VPS13A: variants seen among roughly 807,000 people sequenced by gnomAD.
VPS13A encodes the protein vacuolar protein sorting 13 homolog A, also known as intermembrane lipid transfer protein VPS13A.
A neutral mutation model predicts 390.9 loss-of-function variants in VPS13A; 264 were observed. The observed-to-expected ratio is 0.68, with a 90% confidence interval of 0.61 to 0.75. The LOEUF (loss-of-function observed/expected upper bound fraction) is 0.75. Ranked by LOEUF, VPS13A falls within the 30% of genes least tolerant of loss-of-function variation. The pLI is 0.00. For synonymous variants in VPS13A, 1,231 were observed against 1,227.1 expected, an observed-to-expected ratio of 1.00 and a Z score of -0.07; for missense variants, 3,409 against 3,733.9, an observed-to-expected ratio of 0.91 and a Z score of 2.27.
intron 50 of VPS13A, among the ~76,000 whole-genome samples, chr9:77,341,716 T>TGC (rs1830830738): frequency 6.9e-6 from 1 of 145,344 alleles, no homozygotes; most frequent in Non-Finnish European, 1.5e-5. Flanking sequence ...TTTTTTTTTT[T>TGC]TTTTGCTTTT....
At chr9:77,310,537 A>G (rs1449588946) in intron 35 of VPS13A, among the ~76,000 whole-genome samples, 2 of 152,210 alleles carry the variant, frequency 1.3e-5, no homozygotes, top group Non-Finnish European at 2.9e-5. Context: ...TTAGAATGTG[A>G]GAAGAGAACC....
intron 54 of VPS13A, among the ~76,000 whole-genome samples, chr9:77,354,030 A>G (rs1221288153): frequency 6.6e-6 from 1 of 152,102 alleles, no homozygotes; most frequent in African/African-American, 2.4e-5. Flanking sequence ...TGACCTTGGC[A>G]CTTTAAGATC....
intron 45 of VPS13A, among the ~76,000 whole-genome samples, chr9:77,325,004 C>T (rs1458311473): frequency 6.6e-6 from 1 of 152,148 alleles, no homozygotes; most frequent in Admixed American, 6.6e-5. Context: ...ATAGAAAGCT[C>T]CACCCATGTG....
At chr9:77,308,960 A>G (rs947107083) in intron 35 of VPS13A, among the ~76,000 whole-genome samples, 10 of 152,216 alleles carry the variant, frequency 6.6e-5, no homozygotes, top group African/African-American at 2.4e-4. Flanking sequence ...ATTGTTAAAT[A>G]TGAATGGTCA....
chr9:77,304,528 G>A (rs72744286), intron 34 of VPS13A, among the ~76,000 whole-genome samples: 8,700 of 152,156 alleles, frequency 0.057, 364 homozygotes, highest in South Asian at 0.12. Context: ...GAAAGATCTA[G>A]GTTAGAAATA....
At position 77,220,064 on chromosome 9, in the gene VPS13A, G is replaced by A. The variant is rs762815118; in HGVS notation, c.865G>A (p.Glu289Lys). Residue 289 changes from glutamate (E) to lysine (K), a missense_variant, in exon 11 of 72, where the codon GAA (glutamate) becomes AAA (lysine). Physicochemically the swap from Glu to Lys is moderately conservative, Grantham distance 56. Coordinates refer to ENST00000360280, the MANE Select transcript of VPS13A (RefSeq NM_033305.3). ...LEIELHNIAI[E>K]FNKPQYFSIM... ...AATTGAGTTACATAACATAGCAATTGAATTTAATAAACCACAGGTGATTTT... is the reference window on the plus strand; with the variant it reads ...AATTGAGTTACATAACATAGCAATTAAATTTAATAAACCACAGGTGATTTT... The A allele has an allele frequency of 5.5e-5, 89 of 1,609,960 alleles. No homozygotes were observed. The highest frequency in any genetic ancestry group is 7.1e-5 in the Non-Finnish European group (84 of 1,177,092).
At chr9:77,364,214 T>C (rs1325043625) in intron 59 of VPS13A, among the ~76,000 whole-genome samples, 1 of 151,910 alleles carries the variant, frequency 6.6e-6, no homozygotes, top group African/African-American at 2.4e-5. Flanking sequence ...TCACTTGAGG[T>C]CAGGAGTTCG....
intron 1 of VPS13A, among the ~76,000 whole-genome samples, chr9:77,196,292 A>G (rs1004008367): frequency 6.6e-6 from 1 of 152,204 alleles, no homozygotes; most frequent in African/African-American, 2.4e-5. Flanking sequence ...GGTATTTAGA[A>G]TATCCATCAC....
At chr9:77,329,010 C>CA (rs139476573) in intron 45 of VPS13A, among the ~76,000 whole-genome samples, 3,204 of 152,214 alleles carry the variant, frequency 0.021, 115 homozygotes, top group African/African-American at 0.073. Flanking sequence ...GAAGAACTAC[C>CA]ACACACTTAC....
At chr9:77,370,637 T>C in intron 65 of VPS13A, 59 bp downstream of exon 65, 4 of 1,606,442 alleles carry the variant, frequency 2.5e-6, no homozygotes, top group African/African-American at 1.3e-5. Flanking sequence ...CAAACCTACA[T>C]TTGCGAATAA....
chr9:77,371,073 G>A lies in VPS13A; in HGVS notation c.9001G>A (p.Gly3001Ser), dbSNP rs893091697. The A allele has an allele frequency of 1.9e-6, 3 of 1,614,026 alleles. No individual in the cohort carries two copies. The highest frequency in any genetic ancestry group is 3.3e-5 in the Admixed American group (2 of 59,986). ...TGGTTTCTTTAAAGGTGTTGGGAAA[G>A]GTTTAGTAGGAGCGGTAGCAAGGCC... is the stretch of plus-strand genomic sequence containing the variant. ...AAGFFKGVGK[G>S]LVGAVARPTG... Residue 3001 changes from glycine to serine, a missense_variant, in exon 67 of 72, where the codon GGT becomes AGT. Gly to Ser is a moderately conservative substitution (Grantham distance 56, BLOSUM62 0). Around this residue, in one of 5 missense-constraint regions of VPS13A, gnomAD observed 318 missense variants for 333.7 expected, o/e 0.95. Coordinates refer to ENST00000360280, the MANE Select transcript of VPS13A (RefSeq NM_033305.3).
chr9:77,388,457 G>C (rs535174570), intron 68 of VPS13A, among the ~76,000 whole-genome samples: 1 of 152,038 alleles, frequency 6.6e-6, no homozygotes, highest in Non-Finnish European at 1.5e-5. Flanking sequence ...TTCTCAATAA[G>C]TATGATAAAT....
intron 31 of VPS13A, among the ~76,000 whole-genome samples, chr9:77,286,115 T>G (rs1425392122): frequency 6.6e-6 from 1 of 152,220 alleles, no homozygotes; most frequent in Non-Finnish European, 1.5e-5. Context: ...GTAGCTGTCT[T>G]TTTTTTCTTT....
In VPS13A at chr9:77,209,335, G is replaced by A. The variant is rs1825844667; in HGVS notation, c.386-88G>A. The A allele has an allele frequency of 1.0e-5, 9 of 897,984 alleles. No individual in the cohort carries two copies. In the East Asian group the frequency reaches 1.9e-4, roughly 18 times the overall value. The allele number at this position is 897,984 out of a possible 1,614,324, so 55.6% of individuals were successfully genotyped here. On this transcript the variant is annotated intron_variant, in intron 5 of 71. Coordinates refer to ENST00000360280, the MANE Select transcript of VPS13A (RefSeq NM_033305.3). ...TACATATATATGTATATTTCAGCAA[G>A]GCAACGTAAGCATGTTACTTCAGTA...
intron 3 of VPS13A, among the ~76,000 whole-genome samples, chr9:77,202,046 T>C (rs1166564008): frequency 6.6e-6 from 1 of 152,148 alleles, no homozygotes. Context: ...CTTGGAGATA[T>C]TTTTGTTATA....
chr9:77,398,054 C>T (rs912436629), intron 68 of VPS13A, among the ~76,000 whole-genome samples: 1 of 152,074 alleles, frequency 6.6e-6, no homozygotes, highest in African/African-American at 2.4e-5. Context: ...TTTGCTAATT[C>T]TTCATTTATT....
At chr9:77,353,268 A>T in intron 53 of VPS13A, 141 bp from the exon 54 acceptor site, 1 of 639,522 alleles carries the variant, frequency 1.6e-6, no homozygotes, top group Non-Finnish European at 2.7e-6. Flanking sequence ...TACAAATATT[A>T]ATTCATTTAG....
intron 67 of VPS13A, among the ~76,000 whole-genome samples, chr9:77,379,038 A>G (rs1016692029): frequency 3.5e-5 from 5 of 144,894 alleles, no homozygotes; most frequent in Non-Finnish European, 6.0e-5. Flanking sequence ...CCATGTGGTC[A>G]GGTATCATAC....
chr9:77,211,671 A>G (rs1301617896), intron 7 of VPS13A: 2 of 152,226 alleles, frequency 1.3e-5, no homozygotes, highest in Non-Finnish European at 2.9e-5. Flanking sequence ...AAGTTGAAAA[A>G]TAAGAATGGA....
Sources: allele counts gnomAD v4.1 joint callset (sites outside exome capture counted in the v4.1 genomes callset), GRCh38; gene constraint gnomAD v4.1.1; regional missense constraint gnomAD v4.1.1; transcripts MANE v1.5; gene names NCBI Gene and HGNC (gene_info 2026-07-23, HGNC 2026-07-21).